Variants in ELFN2 observed in about 807,000 individuals in gnomAD.
The protein encoded by ELFN2 is protein phosphatase 1 regulatory subunit 29.
ELFN2 carries 17 observed loss-of-function variants against 45.5 expected under a neutral mutation model. The ratio of observed to expected loss-of-function variants is 0.37; its 90% CI spans 0.26 to 0.56. ELFN2 has a LOEUF of 0.56. Ranked by LOEUF, ELFN2 falls within the 20% of genes least tolerant of loss-of-function variation. The pLI is 0.77. For missense variants in ELFN2, 922 were observed against 1,183.2 expected (o/e 0.78, Z 3.24); for synonymous variants, 550 against 551.5 (o/e 1.00, Z 0.04).
Position 37,375,836 on chromosome 22 carries a change from CCCTCCTCCTCCT to C in ELFN2, c.-314_-303del, listed in dbSNP as rs142158248. On this transcript the variant is annotated 5_prime_UTR_variant, in exon 3 of 3. Transcript: ENST00000402918. ...GGGTTCTCAGGGCTTGACTTCCTCT[CCCTCCTCCTCCT>C]CCTCCTCCTCCTCCTCCTCCTCGTC... 1.4e-3 allele frequency: 487 copies of C among 345,870 alleles called. 4 individuals carry two copies. The highest frequency in any genetic ancestry group is 9.7e-3 in the African/African-American group (428 of 44,264). The allele number at this position is 345,870 out of a possible 1,614,324, so 21.4% of individuals were successfully genotyped here.
chr22:37,415,456 C>A (rs1398989117), intron 2 of ELFN2, among the ~76,000 whole-genome samples: 1 of 152,124 alleles, frequency 6.6e-6, no homozygotes, highest in Non-Finnish European at 1.5e-5. Flanking sequence ...AGAGAGGGAG[C>A]CTGCCACACC....
At chr22:37,363,497 T>C (rs984801006), downstream of ELFN2, among the ~76,000 whole-genome samples, 1 of 151,826 alleles carries the variant, frequency 6.6e-6, no homozygotes, top group Non-Finnish European at 1.5e-5. Flanking sequence ...GGACGGAAGA[T>C]GCGCGGTCTG....
downstream of ELFN2, among the ~76,000 whole-genome samples, chr22:37,366,232 C>T (rs531994193): frequency 9.1e-4 from 139 of 152,342 alleles, 2 homozygotes; most frequent in South Asian, 0.027. Flanking sequence ...TGTTTAGAAA[C>T]AGAATCACTT....
Position 37,373,141 on chromosome 22 carries a change from G to A in ELFN2, c.2394C>T (p.Phe798=), listed in dbSNP as rs750614033. The A allele has an allele frequency of 2.0e-5, 32 of 1,613,222 alleles. No homozygotes were observed. The highest frequency in any genetic ancestry group is 8.9e-5 in the East Asian group (4 of 44,872). The change falls in exon 3 of 3, where the codon TTC becomes TTT. Residue 798 remains phenylalanine (F), a synonymous_variant. Coordinates refer to ENST00000402918, the MANE Select transcript of ELFN2 (RefSeq NM_052906.5). ...AGHALRKKVQ[F]AKDEDLHDIL... is the part of the protein sequence containing the mutation. Reference sequence around the variant, plus strand: ...TGTCATGCAGATCCTCGTCCTTGGCGAACTGGACCTTCTTGCGCAGGGCGT... The same window carrying A: ...TGTCATGCAGATCCTCGTCCTTGGCAAACTGGACCTTCTTGCGCAGGGCGT...
intron 1 of ELFN2, chr22:37,353,558 A>G (rs143841493): frequency 6.6e-6 from 1 of 151,244 alleles, no homozygotes; most frequent in Non-Finnish European, 1.5e-5. Flanking sequence ...CTTAATTACA[A>G]ATCAATGAGA....
intron 1 of ELFN2, among the ~76,000 whole-genome samples, chr22:37,355,622 G>T (rs1021340256): frequency 2.6e-5 from 4 of 152,080 alleles, no homozygotes; most frequent in African/African-American, 4.8e-5. Flanking sequence ...CCCAAGTGTT[G>T]CCAGGAGCCC....
intron 2 of ELFN2, among the ~76,000 whole-genome samples, chr22:37,410,695 C>T (rs1932626153): frequency 6.6e-6 from 1 of 152,198 alleles, no homozygotes; most frequent in South Asian, 2.1e-4. Flanking sequence ...CTCACCTAAT[C>T]CCCATCACAG....
downstream of ELFN2, among the ~76,000 whole-genome samples, chr22:37,363,226 G>T (rs76229129): frequency 8.2e-3 from 1,244 of 152,246 alleles, 16 homozygotes; most frequent in African/African-American, 0.029. Context: ...TAGTTACAGA[G>T]AATTCTGTTC....
In ELFN2 at chr22:37,375,774, G is replaced by T. The variant is rs1040954661; in HGVS notation, c.-240C>A. 7.1e-6 allele frequency: 4 copies of T among 564,914 alleles called. No individual in the cohort carries two copies. Among genetic ancestry groups the T allele is most frequent in the Non-Finnish European group, 1.3e-5 (4 of 313,928 alleles). The allele number at this position is 564,914 out of a possible 1,614,324, so 35.0% of individuals were successfully genotyped here. ...GGGGCCCCACAGCCTGCTCCCCACC[G>T]CAGCGTTGCTCCTTGTCTCCTGCTA... On this transcript the variant is annotated 5_prime_UTR_variant, in exon 3 of 3. Transcript: ENST00000402918.
Position 37,368,696 on chromosome 22 carries a change from C to A in ELFN2, c.*4376G>T, listed in dbSNP as rs572618980. 6.6e-6 allele frequency: 1 copy of A among 152,330 alleles called. No individual in the cohort carries two copies. The highest frequency in any genetic ancestry group is 2.4e-5 in the African/African-American group (1 of 41,476). The allele number at this position is 152,330 out of a possible 1,614,324, so 9.4% of individuals were successfully genotyped here. A position where few individuals can be genotyped will look rare whatever the true frequency, so the allele number is the denominator to read the frequency against. On this transcript the variant is annotated 3_prime_UTR_variant, in exon 3 of 3. Transcript: ENST00000402918. Reference sequence around the variant, plus strand: ...GCCCTAACCTTCACACTGGCTTCCACGGGCAAAGTAAGCCCCTCAGGGCTG... The same window carrying A: ...GCCCTAACCTTCACACTGGCTTCCAAGGGCAAAGTAAGCCCCTCAGGGCTG...
At chr22:37,355,551 C>T (rs1279558016) in intron 1 of ELFN2, among the ~76,000 whole-genome samples, 1 of 152,212 alleles carries the variant, frequency 6.6e-6, no homozygotes, top group African/African-American at 2.4e-5. Context: ...ACCTCTGCAG[C>T]GGGGCCATCC....
chr22:37,423,306 G>C (rs1344177784), intron 1 of ELFN2, among the ~76,000 whole-genome samples: 3 of 152,166 alleles, frequency 2.0e-5, no homozygotes, highest in Non-Finnish European at 4.4e-5. Flanking sequence ...AAAGCAAAGG[G>C]CGTCCGCCAC....
chr22:37,358,333 A>C (rs1305633004), intron 1 of ELFN2, among the ~76,000 whole-genome samples: 1 of 152,156 alleles, frequency 6.6e-6, no homozygotes, highest in Non-Finnish European at 1.5e-5. Context: ...CAAAACCTTT[A>C]CTCAAGTGAG....
At position 37,373,525 on chromosome 22, in the gene ELFN2, G is replaced by T; in HGVS notation, c.2010C>A (p.Leu670=). The T allele has an allele frequency of 1.3e-6, 2 of 1,573,202 alleles. No homozygotes were observed. Among genetic ancestry groups the T allele is most frequent in the Non-Finnish European group, 8.6e-7 (1 of 1,161,494 alleles). The change falls in exon 3 of 3, where the codon CTC becomes CTA. Residue 670 remains leucine, a synonymous_variant. Transcript: ENST00000402918. ...GCGGGAGCCGGTCCAGCGGGCTGTTGAGGGGGCTGCCCTTCTCGATGTACT... is the reference window on the plus strand; with the variant it reads ...GCGGGAGCCGGTCCAGCGGGCTGTTTAGGGGGCTGCCCTTCTCGATGTACT... The part of the protein sequence containing the change: ...DSKYIEKGSP[L]NSPLDRLPLV...
intron 1 of ELFN2, among the ~76,000 whole-genome samples, chr22:37,349,486 G>A (rs562119349): frequency 4.0e-5 from 6 of 151,344 alleles, no homozygotes; most frequent in South Asian, 4.1e-4. Context: ...CACCTCCAGC[G>A]TCTGCTCCCT....
intron 2 of ELFN2, among the ~76,000 whole-genome samples, chr22:37,381,949 C>G (rs1448204483): frequency 2.2e-5 from 2 of 89,814 alleles, no homozygotes; most frequent in South Asian, 4.6e-4. Flanking sequence ...GAGTGAGACT[C>G]CGTCTCAAAA....
At chr22:37,404,614 C>G (rs1020605065) in intron 2 of ELFN2, among the ~76,000 whole-genome samples, 5 of 152,180 alleles carry the variant, frequency 3.3e-5, no homozygotes, top group Non-Finnish European at 5.9e-5. Context: ...CAATGTCCTA[C>G]AGCCAGAGGC....
At chr22:37,382,086 G>A (rs969688234) in intron 2 of ELFN2, among the ~76,000 whole-genome samples, 3 of 150,950 alleles carry the variant, frequency 2.0e-5, no homozygotes, top group Admixed American at 1.3e-4. Flanking sequence ...TTTCACGGCC[G>A]TCCTTATGCC....
At chr22:37,343,557 C>T (rs1930613179) in intron 1 of ELFN2, among the ~76,000 whole-genome samples, 1 of 152,120 alleles carries the variant, frequency 6.6e-6, no homozygotes, top group African/African-American at 2.4e-5. Flanking sequence ...GCCAGCTTCC[C>T]TCATTGCTGT....
Sources: gnomAD v4.1 joint callset for allele counts (sites outside exome capture counted in the v4.1 genomes callset) on GRCh38, gnomAD v4.1.1 for gene constraint, MANE v1.5 for transcripts, NCBI Gene and HGNC (gene_info 2026-07-23, HGNC 2026-07-21) for gene names.